Variants in TBC1D30 observed in about 807,000 individuals in gnomAD.
The protein encoded by TBC1D30 is TBC1 domain family member 30.
Under a neutral mutation model 63.2 loss-of-function variants are expected in TBC1D30, and 31 were observed. That is an observed-to-expected ratio of 0.49 (90% CI 0.37 to 0.66). The LOEUF (loss-of-function observed/expected upper bound fraction) is 0.66. Among genes scored for constraint, TBC1D30 ranks in the 30% least tolerant of loss-of-function variants. The probability of loss-of-function intolerance (pLI) is 0.00; values close to 1 mark genes in which losing one functional copy is unlikely to be tolerated. For synonymous variants in TBC1D30, 307 were observed against 361.5 expected (o/e 0.85, Z 1.71); for missense variants, 810 against 953.6 (o/e 0.85, Z 1.98).
chr12:64,844,270 G>C (rs969140291), intron 8 of TBC1D30, among the ~76,000 whole-genome samples: 2 of 152,072 alleles, frequency 1.3e-5, no homozygotes, highest in African/African-American at 4.8e-5. Flanking sequence ...ATTTTTTATG[G>C]CATGTTACTG....
rs370602011 is a variant in TBC1D30, at chr12:64,879,507, T to C, written c.*3719T>C. The stretch of plus-strand genomic sequence containing the variant: ...TTGCCATTCTTAAAGGTTGGAGTTA[T>C]ACAAGTAGTGAATGAGAATGCCTGC... On this transcript the variant is annotated 3_prime_UTR_variant, in exon 12 of 12. Transcript: ENST00000539867. The C allele has an allele frequency of 5.3e-5, 8 of 152,354 alleles. No individual in the cohort carries two copies. The highest frequency in any genetic ancestry group is 4.1e-4 in the South Asian group (2 of 4,828). The allele number at this position is 152,354 out of a possible 1,614,324, so 9.4% of individuals were successfully genotyped here. A position where few individuals can be genotyped will look rare whatever the true frequency, so the allele number is the denominator to read the frequency against.
In TBC1D30 at chr12:64,832,240, G is replaced by A. The variant is rs2136373770; in HGVS notation, c.530G>A (p.Gly177Asp). Residue 177 changes from glycine to aspartate, a missense_variant, in exon 5 of 12, where the codon GGC becomes GAC. Gly to Asp is a moderately conservative substitution (Grantham distance 94). Around this residue, in one of 4 missense-constraint regions of TBC1D30, gnomAD observed 272 missense variants for 335.9 expected, o/e 0.81. Coordinates refer to ENST00000539867, the MANE Select transcript of TBC1D30 (RefSeq NM_015279.2). ...AACAAAACTGTTGGGTACTGCCAAG[G>A]CTTTAACATCCTGGCTGCACTAATT... The part of the protein sequence containing the change: ...RWNKTVGYCQ[G>D]FNILAALILE... 6.5e-7 allele frequency: 1 copy of A among 1,536,140 alleles called. No individual in the cohort carries two copies. The highest frequency in any genetic ancestry group is 1.7e-4 in the Middle Eastern group (1 of 5,988).
chr12:64,822,015 T>C (rs1186269094), upstream of TBC1D30, among the ~76,000 whole-genome samples: 2 of 152,204 alleles, frequency 1.3e-5, no homozygotes, highest in Non-Finnish European at 2.9e-5. Flanking sequence ...AGATGGCTCA[T>C]CTCATTTTTA....
At chr12:64,799,888 C>T (rs1285790567) in intron 2 of TBC1D30, among the ~76,000 whole-genome samples, 6 of 152,272 alleles carry the variant, frequency 3.9e-5, no homozygotes, top group Admixed American at 6.5e-5. Context: ...GGGCAAATGA[C>T]GAGGTCAGGA....
At chr12:64,817,343 C>T (rs1348835443) in intron 2 of TBC1D30, among the ~76,000 whole-genome samples, 2 of 152,186 alleles carry the variant, frequency 1.3e-5, no homozygotes, top group African/African-American at 4.8e-5. Context: ...ACTCAAATAT[C>T]ATTATTCTAA....
At chr12:64,866,604 A>T (rs535378598) in intron 9 of TBC1D30, among the ~76,000 whole-genome samples, 160 bp from the exon 10 acceptor site, 1 of 152,170 alleles carries the variant, frequency 6.6e-6, no homozygotes, top group African/African-American at 2.4e-5. Flanking sequence ...CACCTGGCTA[A>T]TTTTTATATA....
chr12:64,832,092 T>G lies in TBC1D30; in HGVS notation c.409-27T>G, dbSNP rs1044020579. The stretch of plus-strand genomic sequence containing the variant: ...TGGAAAGAATATTAGGAGTTATTTT[T>G]GAAAATATTGTTTCCCTTCCATTTA... On this transcript the variant is annotated intron_variant, in intron 4 of 11. Transcript: ENST00000539867. 7.4e-6 allele frequency: 11 copies of G among 1,494,432 alleles called. No homozygotes were observed. The African/African-American group carries it at 1.4e-4, about 19-fold the overall frequency. 92.6% of individuals were successfully genotyped at this position (1,494,432 alleles called of 1,614,324 possible).
intron 11 of TBC1D30, among the ~76,000 whole-genome samples, chr12:64,873,276 G>A (rs1056036761): frequency 6.6e-6 from 1 of 152,122 alleles, no homozygotes; most frequent in African/African-American, 2.4e-5. Flanking sequence ...GGGATTGGGA[G>A]TAAATGAGAG....
At chr12:64,842,824 A>C (rs770797470) in intron 7 of TBC1D30, among the ~76,000 whole-genome samples, 5 of 152,100 alleles carry the variant, frequency 3.3e-5, no homozygotes, top group Non-Finnish European at 5.9e-5. Context: ...GAAGCAATAA[A>C]GATGCCACAG....
Position 64,864,344 on chromosome 12 carries a change from C to T in TBC1D30, c.1039-324C>T, listed in dbSNP as rs77793563. On this transcript the variant is annotated intron_variant, in intron 8 of 11. Transcript: ENST00000539867. ...TTTGTGAGTTCTTTGATACAGAAGA[C>T]ATAGGGAGCTGTGGATTTCTGCATT... Among the ~76,000 whole-genome samples, 1,284 of 152,286 alleles carry T rather than the reference C, an allele frequency of 8.4e-3. 18 individuals carry two copies. The highest frequency in any genetic ancestry group is 0.029 in the African/African-American group (1,222 of 41,556).
At chr12:64,838,561 T>C in intron 6 of TBC1D30, 122 bp from the exon 7 acceptor site, 1 of 972,510 alleles carries the variant, frequency 1.0e-6, no homozygotes, top group Non-Finnish European at 1.5e-6. Flanking sequence ...AGTTTAGAAA[T>C]ATGAAGAAAT....
chr12:64,825,164 C>T (rs1874203022), intron 1 of TBC1D30, 131 bp downstream of exon 1: 2 of 1,319,744 alleles, frequency 1.5e-6, no homozygotes, highest in Non-Finnish European at 2.0e-6. Flanking sequence ...GTGCGGGGCA[C>T]CGCGTTGGCA....
At position 64,843,361 on chromosome 12, in the gene TBC1D30, C is replaced by T. The variant is rs1396725223; in HGVS notation, c.933-19C>T. 3 of 1,533,486 alleles carry T rather than the reference C, an allele frequency of 2.0e-6. No individual in the cohort carries two copies. The highest frequency in any genetic ancestry group is 1.7e-6 in the Non-Finnish European group (2 of 1,144,404). 95.0% of individuals were successfully genotyped at this position (1,533,486 alleles called of 1,614,324 possible). ...GGATGCCCTAAACAAGTTGTATTTT[C>T]TGTCCTTTCTTTATCTAGGCAGATA... is the stretch of plus-strand genomic sequence containing the variant. On this transcript the variant is annotated intron_variant, in intron 7 of 11. Transcript: ENST00000539867.
At chr12:64,845,963 C>G (rs949682749) in intron 8 of TBC1D30, among the ~76,000 whole-genome samples, 1 of 152,106 alleles carries the variant, frequency 6.6e-6, no homozygotes, top group African/African-American at 2.4e-5. Flanking sequence ...CGTGCCTGGC[C>G]TTGAGCACCT....
upstream of TBC1D30, among the ~76,000 whole-genome samples, chr12:64,823,824 A>G (rs1363158259): frequency 6.6e-6 from 1 of 152,138 alleles, no homozygotes; most frequent in African/African-American, 2.4e-5. Context: ...TATTATTAAT[A>G]TAGTGTTATT....
intron 2 of TBC1D30, among the ~76,000 whole-genome samples, chr12:64,797,027 G>GC (rs1565646049): frequency 2.6e-5 from 1 of 38,570 alleles, no homozygotes; most frequent in Non-Finnish European, 4.4e-5. Flanking sequence ...ATTCTCCTCT[G>GC]CAAAAAAAAA....
At chr12:64,844,162 C>T (rs1244203525) in intron 8 of TBC1D30, among the ~76,000 whole-genome samples, 8 of 152,108 alleles carry the variant, frequency 5.3e-5, no homozygotes, top group Admixed American at 1.3e-4. Flanking sequence ...AGATTATTCT[C>T]ATCAGCATTT....
intron 11 of TBC1D30, among the ~76,000 whole-genome samples, 153 bp downstream of exon 11, chr12:64,870,961 T>A (rs1878610009): frequency 6.6e-6 from 1 of 152,206 alleles, no homozygotes; most frequent in Non-Finnish European, 1.5e-5. Context: ...AGCATCTCAT[T>A]TTAAATTTTA....
chr12:64,834,707 C>CTTT (rs11374555), intron 5 of TBC1D30, among the ~76,000 whole-genome samples: 53 of 76,340 alleles, frequency 6.9e-4, no homozygotes, highest in Non-Finnish European at 8.0e-4. Flanking sequence ...CCGTGCCGGG[C>CTTT]TTTTTTTTTT....
Sources: allele counts gnomAD v4.1 joint callset (sites outside exome capture counted in the v4.1 genomes callset), GRCh38; gene constraint gnomAD v4.1.1; regional missense constraint gnomAD v4.1.1; transcripts MANE v1.5; gene names NCBI Gene and HGNC (gene_info 2026-07-23, HGNC 2026-07-21).